Variants in MYOF observed in about 807,000 individuals in gnomAD.
MYOF encodes myoferlin, also known as fer-1-like 3, myoferlin.
Under a neutral mutation model 284.2 loss-of-function variants are expected in MYOF, and 244 were observed. The observed-to-expected ratio is 0.86, with a 90% confidence interval of 0.77 to 0.95. The LOEUF (loss-of-function observed/expected upper bound fraction) is 0.95, where lower values mean the gene tolerates loss of function less well. Among genes scored for constraint, MYOF ranks in the 40% least tolerant of loss-of-function variants. The pLI, the probability that MYOF is intolerant of heterozygous loss-of-function variation, is 0.00. For missense variants in MYOF, 2,496 were observed against 2,560.6 expected, an observed-to-expected ratio of 0.97 and a Z score of 0.54; for synonymous variants, 904 against 919.7, an observed-to-expected ratio of 0.98 and a Z score of 0.31.
chr10:93,423,762 G>A (rs1809240634), intron 5 of MYOF, among the ~76,000 whole-genome samples: 1 of 151,638 alleles, frequency 6.6e-6, no homozygotes, highest in African/African-American at 2.4e-5. Flanking sequence ...GAACCCTGGA[G>A]GCGGAGCTTG....
chr10:93,451,253 T>C (rs1423905471), intron 3 of MYOF, among the ~76,000 whole-genome samples: 1 of 152,084 alleles, frequency 6.6e-6, no homozygotes, highest in African/African-American at 2.4e-5. Context: ...GGCAGGAGAA[T>C]TGCTTGAACC....
At chr10:93,460,949 G>A (rs2056864356) in intron 1 of MYOF, among the ~76,000 whole-genome samples, 1 of 151,792 alleles carries the variant, frequency 6.6e-6, no homozygotes, top group African/African-American at 2.4e-5. Flanking sequence ...ACAAAATTTA[G>A]CCATGCATGG....
At chr10:93,406,813 A>G (rs1847614952) in intron 7 of MYOF, among the ~76,000 whole-genome samples, 1 of 152,108 alleles carries the variant, frequency 6.6e-6, no homozygotes, top group Admixed American at 6.5e-5. Context: ...CGCGGCATAG[A>G]AGAAATCATT....
At chr10:93,322,231 A>G (rs1057075469) in intron 48 of MYOF, among the ~76,000 whole-genome samples, 7 of 152,226 alleles carry the variant, frequency 4.6e-5, no homozygotes, top group Non-Finnish European at 1.0e-4. Flanking sequence ...CTTTATGAAT[A>G]TATTAAATGT....
chr10:93,406,288 T>TTATTTATATATATATATATA (rs1554855590), intron 7 of MYOF, among the ~76,000 whole-genome samples: 6 of 58,148 alleles, frequency 1.0e-4, no homozygotes, highest in South Asian at 2.1e-3. Flanking sequence ...TAAACCTCTT[T>TTATTTATATATATATATATA]TATATATATA....
At chr10:93,422,048 C>T (rs1848378475) in intron 5 of MYOF, among the ~76,000 whole-genome samples, 1 of 151,780 alleles carries the variant, frequency 6.6e-6, no homozygotes, top group African/African-American at 2.4e-5. Context: ...AGAACAAAGG[C>T]AGCACTTCCA....
At chr10:93,389,246 T>C in intron 17 of MYOF, 92 bp from the exon 18 acceptor site, 1 of 1,397,990 alleles carries the variant, frequency 7.2e-7, no homozygotes, top group Non-Finnish European at 9.4e-7. Context: ...GTGAGACTAT[T>C]TTCCTCCATT....
At chr10:93,432,890 T>C (rs1474771603) in intron 3 of MYOF, among the ~76,000 whole-genome samples, 1 of 152,194 alleles carries the variant, frequency 6.6e-6, no homozygotes, top group Non-Finnish European at 1.5e-5. Flanking sequence ...TAAATAAGTC[T>C]ACATATATTG....
chr10:93,427,931 G>C (rs1848668559), intron 4 of MYOF, among the ~76,000 whole-genome samples: 1 of 152,034 alleles, frequency 6.6e-6, no homozygotes, highest in African/African-American at 2.4e-5. Context: ...TCGACATTGG[G>C]TTGCTAACTT....
chr10:93,343,208 G>A (rs1844010107), intron 38 of MYOF, among the ~76,000 whole-genome samples: 1 of 152,136 alleles, frequency 6.6e-6, no homozygotes, highest in African/African-American at 2.4e-5. Flanking sequence ...TCTGGGCTGA[G>A]GCTTTTTGCC....
intron 1 of MYOF, among the ~76,000 whole-genome samples, chr10:93,460,355 G>C (rs1004953508): frequency 1.6e-4 from 24 of 152,216 alleles, no homozygotes; most frequent in African/African-American, 5.8e-4. Flanking sequence ...TCAGCAGCTG[G>C]GGAGTGTGAA....
chr10:93,431,423 T>C lies in MYOF; in HGVS notation c.330A>G (p.Lys110=). 6.2e-7 allele frequency: 1 copy of C among 1,613,074 alleles called. No homozygotes were observed. The highest frequency in any genetic ancestry group is 8.5e-7 in the Non-Finnish European group (1 of 1,179,286). ...AAACACTCACCCCAGTATCTTGCCCTTTTTCATTTAGCAGGGAGATCAGCT... is the reference window on the plus strand; with the variant it reads ...AAACACTCACCCCAGTATCTTGCCCCTTTTCATTTAGCAGGGAGATCAGCT... ...PYKLISLLNE[K]GQDTGATIDL... is the part of the protein sequence containing the mutation. The change falls in exon 4 of 54, where the codon AAA becomes AAG. Residue 110 remains lysine, a synonymous_variant. Coordinates refer to ENST00000359263, the MANE Select transcript of MYOF (RefSeq NM_013451.4).
intron 5 of MYOF, among the ~76,000 whole-genome samples, chr10:93,421,493 C>T (rs988177128): frequency 2.6e-5 from 4 of 152,140 alleles, no homozygotes; most frequent in East Asian, 1.9e-4. Flanking sequence ...TCTGTCCCCT[C>T]GAAATCTTAT....
At chr10:93,453,986 C>T (rs904478287) in intron 2 of MYOF, among the ~76,000 whole-genome samples, 49 of 152,094 alleles carry the variant, frequency 3.2e-4, no homozygotes, top group Non-Finnish European at 5.9e-4. Context: ...AGTTCGAGAC[C>T]AGCCTGACCA....
intron 4 of MYOF, among the ~76,000 whole-genome samples, chr10:93,430,196 A>G (rs1848778928): frequency 1.3e-5 from 2 of 151,860 alleles, no homozygotes; most frequent in Non-Finnish European, 2.9e-5. Context: ...AGCCTCCCAA[A>G]GTGCTGGGAT....
chr10:93,319,917 C>A lies in MYOF; in HGVS notation c.5553G>T (p.Pro1851=). Residue 1851 remains proline, a synonymous_variant, in exon 49 of 54, where the codon CCG becomes CCT. Coordinates refer to ENST00000359263, the MANE Select transcript of MYOF (RefSeq NM_013451.4). ...EGNFNWRFVF[P]FDYLPAEQLC... ...GTTGTTCGGCTGGAAGGTAGTCAAA[C>A]GGGAAAACAAATCGCCAGTTAAAAT... 1 of 1,614,144 alleles carries A rather than the reference C, an allele frequency of 6.2e-7. No individual in the cohort carries two copies. The highest frequency in any genetic ancestry group is 1.1e-5 in the South Asian group (1 of 91,076).
chr10:93,357,220 C>T (rs972565594), intron 29 of MYOF, among the ~76,000 whole-genome samples: 2 of 152,210 alleles, frequency 1.3e-5, no homozygotes, highest in African/African-American at 2.4e-5. Flanking sequence ...GTTTGTAAAA[C>T]ATTAGTATCT....
intron 46 of MYOF, 84 bp downstream of exon 46, chr10:93,325,742 A>C (rs1843014650): frequency 1.4e-6 from 2 of 1,457,310 alleles, no homozygotes; most frequent in South Asian, 1.3e-5. Context: ...GTATTCAAAG[A>C]AGATAAAAGG....
intron 3 of MYOF, among the ~76,000 whole-genome samples, chr10:93,440,214 C>T (rs1234831389): frequency 3.3e-5 from 5 of 152,120 alleles, no homozygotes; most frequent in Admixed American, 2.6e-4. Context: ...GAGATCAAGA[C>T]CATCCTGGCC....
Sources: allele counts gnomAD v4.1 joint callset (sites outside exome capture counted in the v4.1 genomes callset), GRCh38; gene constraint gnomAD v4.1.1; transcripts MANE v1.5; gene names NCBI Gene and HGNC (gene_info 2026-07-23, HGNC 2026-07-21).